HDAC9: variants seen among roughly 807,000 people sequenced by gnomAD.
HDAC9 encodes the protein MEF-2 interacting transcription repressor (MITR) protein.
Under a neutral mutation model 139.4 loss-of-function variants are expected in HDAC9, and 41 were observed. The observed-to-expected ratio is 0.29, with a 90% CI of 0.23 to 0.38. The LOEUF is 0.38. Among genes scored for constraint, HDAC9 ranks in the 10% least tolerant of loss-of-function variants. The pLI is 1.00. For missense variants in HDAC9, 1,147 were observed against 1,297.0 expected (o/e 0.88, Z 1.78); for synonymous variants, 517 against 476.2 (o/e 1.09, Z -1.12).
At chr7:18,526,370 T>C (rs1025381019) in intron 2 of HDAC9, among the ~76,000 whole-genome samples, 2 of 152,182 alleles carry the variant, frequency 1.3e-5, no homozygotes, top group South Asian at 2.1e-4. Context: ...CCTATAAAGA[T>C]AGCAAAATAC....
At chr7:18,772,214 T>C (rs1790354362) in intron 16 of HDAC9, among the ~76,000 whole-genome samples, 1 of 152,062 alleles carries the variant, frequency 6.6e-6, no homozygotes, top group African/African-American at 2.4e-5. Context: ...GGGGGTGGTA[T>C]GAGGACAGGT....
chr7:18,703,186 C>T (rs1178104), intron 12 of HDAC9, among the ~76,000 whole-genome samples: 29,199 of 151,886 alleles, frequency 0.19, 2,872 homozygotes, highest in East Asian at 0.27. Context: ...AAAAGAAACA[C>T]GATTCTTATT....
intron 22 of HDAC9, among the ~76,000 whole-genome samples, chr7:18,908,993 T>C (rs907482326): frequency 6.6e-6 from 1 of 152,086 alleles, no homozygotes; most frequent in Non-Finnish European, 1.5e-5. Context: ...CTGGCTGTAC[T>C]AATTTATATT....
At chr7:18,869,473 A>G (rs567398585) in intron 21 of HDAC9, among the ~76,000 whole-genome samples, 13 of 152,112 alleles carry the variant, frequency 8.5e-5, no homozygotes, top group Non-Finnish European at 1.3e-4. Context: ...AGCCTAGCAG[A>G]TGCCAGCATC....
chr7:18,518,495 G>T (rs1447178107), intron 2 of HDAC9, among the ~76,000 whole-genome samples: 3 of 152,054 alleles, frequency 2.0e-5, no homozygotes, highest in Non-Finnish European at 4.4e-5. Context: ...TGATTATTTG[G>T]GTCTTCAGCC....
intron 24 of HDAC9, among the ~76,000 whole-genome samples, chr7:18,962,779 A>G (rs1783609372): frequency 1.3e-5 from 2 of 152,200 alleles, no homozygotes; most frequent in Non-Finnish European, 2.9e-5. Context: ...ATCGTTTCCT[A>G]AGTATTTACA....
intron 2 of HDAC9, chr7:18,260,493 TGTTTTTTA>T (rs1562805605): frequency 6.6e-6 from 1 of 152,416 alleles, no homozygotes; most frequent in African/African-American, 2.4e-5. Flanking sequence ...TAATTTTTTG[TGTTTTTTA>T]GTAGAGACGG....
intron 22 of HDAC9, among the ~76,000 whole-genome samples, chr7:18,922,708 G>C (rs1803866182): frequency 6.6e-6 from 1 of 152,036 alleles, no homozygotes; most frequent in Non-Finnish European, 1.5e-5. Flanking sequence ...GAATTGGCAG[G>C]TCCAATTATG....
At chr7:18,573,020 C>A (rs895034695) in intron 2 of HDAC9, among the ~76,000 whole-genome samples, 2 of 152,186 alleles carry the variant, frequency 1.3e-5, no homozygotes, top group African/African-American at 4.8e-5. Context: ...CTTGCTTTAA[C>A]TTAAATGTTG....
At chr7:18,193,652 C>T (rs1035076552) in intron 2 of HDAC9, among the ~76,000 whole-genome samples, 11 of 152,140 alleles carry the variant, frequency 7.2e-5, no homozygotes, top group Admixed American at 2.0e-4. Context: ...ATAATATTTT[C>T]TCTATATTTG....
intron 2 of HDAC9, among the ~76,000 whole-genome samples, chr7:18,271,596 C>T (rs1266320348): frequency 1.3e-5 from 2 of 152,162 alleles, no homozygotes; most frequent in Admixed American, 1.3e-4. Flanking sequence ...TTTCATGCAT[C>T]CCTCAGCATG....
At chr7:18,794,276 T>C (rs1792586751) in intron 17 of HDAC9, among the ~76,000 whole-genome samples, 1 of 151,978 alleles carries the variant, frequency 6.6e-6, no homozygotes, top group African/African-American at 2.4e-5. Flanking sequence ...CTTAGGGAAA[T>C]ATATTATGAC....
chr7:18,945,344 A>G (rs184749058), intron 23 of HDAC9, among the ~76,000 whole-genome samples: 2 of 152,352 alleles, frequency 1.3e-5, no homozygotes, highest in East Asian at 3.9e-4. Context: ...TATCTATTCA[A>G]AACTTTGGTC....
chr7:18,985,699 GT>G (rs1785290652), intron 25 of HDAC9, among the ~76,000 whole-genome samples: 2 of 144,938 alleles, frequency 1.4e-5, no homozygotes, highest in Admixed American at 6.7e-5. Context: ...GTGTAAAAGT[GT>G]TCCTATTTCT....
intron 1 of HDAC9, among the ~76,000 whole-genome samples, chr7:18,373,069 C>T (rs997639304): frequency 2.6e-5 from 4 of 152,070 alleles, no homozygotes; most frequent in Non-Finnish European, 4.4e-5. Context: ...AAATTAATAT[C>T]TCCCCCATTA....
At chr7:18,960,004 T>A (rs1287264938) in intron 24 of HDAC9, among the ~76,000 whole-genome samples, 3 of 78,726 alleles carry the variant, frequency 3.8e-5, no homozygotes, top group African/African-American at 1.8e-4. Flanking sequence ...TCCTCTGTTG[T>A]TTTAAACACA....
intron 1 of HDAC9, among the ~76,000 whole-genome samples, chr7:18,438,564 T>C (rs1305485613): frequency 2.0e-5 from 3 of 152,090 alleles, no homozygotes; most frequent in Non-Finnish European, 2.9e-5. Context: ...ATCTATACTT[T>C]AGAATAGAAA....
chr7:18,358,779 AC>A (rs1465357549), intron 1 of HDAC9, among the ~76,000 whole-genome samples: 1 of 152,176 alleles, frequency 6.6e-6, no homozygotes, highest in Non-Finnish European at 1.5e-5. Context: ...TTTACCACTT[AC>A]TCTAGCTATA....
intron 22 of HDAC9, among the ~76,000 whole-genome samples, chr7:18,918,074 C>A (rs1803367361): frequency 6.6e-6 from 1 of 152,032 alleles, no homozygotes; most frequent in Admixed American, 6.6e-5. Context: ...AATATTTAAA[C>A]ACATTCAATT....
Sources: allele counts gnomAD v4.1 joint callset (sites outside exome capture counted in the v4.1 genomes callset), GRCh38; gene constraint gnomAD v4.1.1; transcripts MANE v1.5; gene names NCBI Gene and HGNC (gene_info 2026-07-23, HGNC 2026-07-21).